Variants in ATP12A observed in about 807,000 individuals in gnomAD.
ATP12A encodes the protein ATPase H+/K+ transporting non-gastric alpha2 subunit.
ATP12A carries 81 observed loss-of-function variants against 111.2 expected under a neutral mutation model. The observed-to-expected ratio is 0.73, with a 90% confidence interval of 0.61 to 0.88. The LOEUF (loss-of-function observed/expected upper bound fraction) is 0.88. Ranked by LOEUF, ATP12A falls within the 40% of genes least tolerant of loss-of-function variation. ATP12A has a pLI of 0.00. For synonymous variants in ATP12A, 498 were observed against 499.8 expected, an observed-to-expected ratio of 1.00 and a Z score of 0.05; for missense variants, 1,196 against 1,313.1, an observed-to-expected ratio of 0.91 and a Z score of 1.38.
In ATP12A at chr13:24,710,515, G is replaced by A. The variant is rs1298551505; in HGVS notation, c.2819G>A (p.Gly940Asp). The A allele has an allele frequency of 6.2e-7, 1 of 1,614,080 alleles. No individual in the cohort carries two copies. The highest frequency in any genetic ancestry group is 1.7e-5 in the Admixed American group (1 of 59,998). Residue 940 changes from glycine (G) to aspartate (D), a missense_variant, in exon 20 of 23, where the codon GGC (glycine) becomes GAC (aspartate). Coordinates refer to ENST00000381946, the MANE Select transcript of ATP12A (RefSeq NM_001676.7). ...EWTGYTAFFV[G>D]ILVQQIADLI... ...ACGGGCTACACGGCTTTCTTTGTTG[G>A]CATCCTAGTCCAGCAAATAGCAGAT...
At chr13:24,686,070 G>A (rs887522915) in intron 3 of ATP12A, among the ~76,000 whole-genome samples, 11 of 152,200 alleles carry the variant, frequency 7.2e-5, no homozygotes, top group Non-Finnish European at 2.9e-5. Flanking sequence ...TTTTTTTAAA[G>A]TGAGAAATGG....
intron 2 of ATP12A, among the ~76,000 whole-genome samples, chr13:24,683,123 A>G (rs1874543301): frequency 6.6e-6 from 1 of 151,556 alleles, no homozygotes; most frequent in African/African-American, 2.4e-5. Context: ...CACCCAGCTA[A>G]TTTTTGTTGT....
At chr13:24,708,537 C>T (rs777019029) in intron 17 of ATP12A, among the ~76,000 whole-genome samples, 8 of 152,108 alleles carry the variant, frequency 5.3e-5, no homozygotes, top group Non-Finnish European at 8.8e-5. Context: ...CTTTGCTCTG[C>T]TGCAGTGCTT....
chr13:24,702,311 A>T (rs1384710631), intron 14 of ATP12A, among the ~76,000 whole-genome samples: 2 of 152,256 alleles, frequency 1.3e-5, no homozygotes, highest in Non-Finnish European at 2.9e-5. Flanking sequence ...TTGAAATTTC[A>T]AAATCCAGTG....
chr13:24,690,272 A>G, intron 5 of ATP12A, 66 bp from the exon 6 acceptor site: 1 of 1,590,882 alleles, frequency 6.3e-7, no homozygotes, highest in Non-Finnish European at 8.5e-7. Flanking sequence ...TCGGTGCGGC[A>G]CAGACTTGGG....
Position 24,711,419 on chromosome 13 carries a change from C to T in ATP12A, c.3091+10C>T, listed in dbSNP as rs1410834557. On this transcript the variant is annotated intron_variant, in intron 22 of 22. Transcript: ENST00000381946. ...AGGCTCTACCCTGGAAGTGAGTAGC[C>T]TATGATTTTAGAGGCTCTGTTTACC... The T allele has an allele frequency of 3.7e-6, 6 of 1,613,830 alleles. No homozygotes were observed. Among genetic ancestry groups the T allele is most frequent in the Non-Finnish European group, 5.1e-6 (6 of 1,179,966 alleles).
chr13:24,680,581 C>G lies in ATP12A; in HGVS notation c.-163C>G, dbSNP rs1287612014. 7 of 712,888 alleles carry G rather than the reference C, an allele frequency of 9.8e-6. No homozygotes were observed. The highest frequency in any genetic ancestry group is 7.7e-5 in the Admixed American group (2 of 25,936). The allele number at this position is 712,888 out of a possible 1,614,324, so 44.2% of individuals were successfully genotyped here. A position where few individuals can be genotyped will look rare whatever the true frequency, so the allele number is the denominator to read the frequency against. Reference sequence around the variant, plus strand: ...CCCGGTGCAGCGGCTGGCGATCGGCCGCGGAGGTGCGTGCAGGGCCCGCGC... The same window carrying G: ...CCCGGTGCAGCGGCTGGCGATCGGCGGCGGAGGTGCGTGCAGGGCCCGCGC... On this transcript the variant is annotated 5_prime_UTR_variant, in exon 1 of 23. Transcript: ENST00000381946.
Position 24,685,204 on chromosome 13 carries a change from C to T in ATP12A, c.169-110C>T. 9.9e-7 allele frequency: 1 copy of T among 1,006,174 alleles called. No homozygotes were observed. Among genetic ancestry groups the T allele is most frequent in the South Asian group, 1.3e-5 (1 of 75,178 alleles). The allele number at this position is 1,006,174 out of a possible 1,614,324, so 62.3% of individuals were successfully genotyped here. Reference sequence around the variant, plus strand: ...TCCTGTCCCCCACACTCCTCGATCCCCTCCCATCCTCAGGGCTGCTACTCC... The same window carrying T: ...TCCTGTCCCCCACACTCCTCGATCCTCTCCCATCCTCAGGGCTGCTACTCC... On this transcript the variant is annotated intron_variant, in intron 2 of 22. Transcript: ENST00000381946. The surrounding 1 kb of genome is among the most constrained non-coding windows in gnomAD (Gnocchi z 5.5).
At chr13:24,699,450 C>T (rs1875302080) in intron 12 of ATP12A, among the ~76,000 whole-genome samples, 1 of 152,112 alleles carries the variant, frequency 6.6e-6, no homozygotes, top group African/African-American at 2.4e-5. Flanking sequence ...TGCACATCTC[C>T]ATAGGAAGCA....
chr13:24,682,293 GTGTGTGTATGTGCATGGTA>G (rs1874504053), intron 2 of ATP12A, among the ~76,000 whole-genome samples: 2 of 146,222 alleles, frequency 1.4e-5, no homozygotes, highest in African/African-American at 5.1e-5. Flanking sequence ...TGTATGTGTG[GTGTGTGTATGTGCATGGTA>G]TGTGTGGTGT....
At chr13:24,701,888 A>G (rs1310532370) in intron 13 of ATP12A, 47 bp from the exon 14 acceptor site, 3 of 1,612,972 alleles carry the variant, frequency 1.9e-6, no homozygotes, top group Non-Finnish European at 2.5e-6. Context: ...ACTTTGGCCA[A>G]CCGAGTTCTT....
chr13:24,699,179 G>A lies in ATP12A; in HGVS notation c.1705+329G>A, dbSNP rs185497027. Among the ~76,000 whole-genome samples the A allele has an allele frequency of 3.0e-3, 457 of 152,294 alleles. 5 individuals are homozygous for A. Among genetic ancestry groups the A allele is most frequent in the African/African-American group, 0.01 (416 of 41,558 alleles). On this transcript the variant is annotated intron_variant, in intron 12 of 22. Transcript: ENST00000381946. ...AGGCCAATCACAGAGGCAGAACGGC[G>A]TGGGGCACATTGGGTGCTGCCAGCA...
chr13:24,707,545 A>G lies in ATP12A; in HGVS notation c.2493+112A>G, dbSNP rs1006813444. On this transcript the variant is annotated intron_variant, in intron 17 of 22. Coordinates refer to ENST00000381946, the MANE Select transcript of ATP12A (RefSeq NM_001676.7). ...ACTAACTCAAGGCTTCTCAGCTTCC[A>G]TGTGATGGGGCCTGTAGCTCTGCAT... 13 of 1,391,072 alleles carry G rather than the reference A, an allele frequency of 9.3e-6. No individual in the cohort carries two copies. The African/African-American group carries it at 1.6e-4, about 17-fold the overall frequency. The allele number at this position is 1,391,072 out of a possible 1,614,324, so 86.2% of individuals were successfully genotyped here.
intron 21 of ATP12A, among the ~76,000 whole-genome samples, 188 bp from the exon 22 acceptor site, chr13:24,711,130 C>G (rs946567987): frequency 3.9e-5 from 6 of 152,256 alleles, no homozygotes; most frequent in Non-Finnish European, 8.8e-5. Flanking sequence ...CAAAGGCAGA[C>G]ATTGCTTCTA....
intron 17 of ATP12A, among the ~76,000 whole-genome samples, chr13:24,709,090 G>A (rs1369999318): frequency 6.6e-6 from 1 of 152,208 alleles, no homozygotes; most frequent in Admixed American, 6.5e-5. Flanking sequence ...GGAGAGGACG[G>A]CACAAGAAAT....
intron 13 of ATP12A, 26 bp downstream of exon 13, chr13:24,700,948 A>T: frequency 1.2e-6 from 2 of 1,608,760 alleles, no homozygotes; most frequent in Non-Finnish European, 1.7e-6. Flanking sequence ...CTGACTCAAG[A>T]AGTTCTTTCT....
In ATP12A at chr13:24,709,350, C is replaced by CTCT; in HGVS notation, c.2494-11_2494-9dup. 1 of 1,609,628 alleles carries CTCT rather than the reference C, an allele frequency of 6.2e-7. No homozygotes were observed. The highest frequency in any genetic ancestry group is 8.5e-7 in the Non-Finnish European group (1 of 1,179,590). On this transcript the variant is annotated splice_polypyrimidine_tract_variant and intron_variant, in intron 17 of 22. Coordinates refer to ENST00000381946, the MANE Select transcript of ATP12A (RefSeq NM_001676.7). ...CATCCTGGGGTTAGACCTCACCAGC[C>CTCT]TCTTCCCCTCTAGATCCCCTCCATT...
intron 2 of ATP12A, among the ~76,000 whole-genome samples, chr13:24,684,309 A>G (rs895512885): frequency 6.6e-6 from 1 of 152,238 alleles, no homozygotes; most frequent in Admixed American, 6.5e-5. Flanking sequence ...AAGCAAGATA[A>G]TAATGATAAT....
At chr13:24,691,307 TG>T in intron 8 of ATP12A, 57 bp downstream of exon 8, 3 of 1,539,912 alleles carry the variant, frequency 1.9e-6, no homozygotes. Flanking sequence ...GCACTGGTGC[TG>T]GGGAGGCGCC....
Sources: gnomAD v4.1 joint callset for allele counts (sites outside exome capture counted in the v4.1 genomes callset) on GRCh38, gnomAD v4.1.1 for gene constraint, Gnocchi (gnomAD v3.1) non-coding constraint, MANE v1.5 for transcripts, NCBI Gene and HGNC (gene_info 2026-07-23, HGNC 2026-07-21) for gene names.